The following NKAIN2 variants were observed in gnomAD, a reference collection of about 807,000 sequenced individuals.
The protein encoded by NKAIN2 is sodium/potassium-transporting ATPase subunit beta-1-interacting protein 2.
Under a neutral mutation model 32.6 loss-of-function variants are expected in NKAIN2, and 14 were observed. The observed-to-expected ratio is 0.43, with a 90% confidence interval of 0.28 to 0.67. The LOEUF is 0.67. Ranked by LOEUF, NKAIN2 falls within the 30% of genes least tolerant of loss-of-function variation. The pLI is 0.17. For synonymous variants in NKAIN2, 80 were observed against 87.2 expected, an observed-to-expected ratio of 0.92 and a Z score of 0.46; for missense variants, 198 against 258.3, an observed-to-expected ratio of 0.77 and a Z score of 1.60.
At chr6:124,761,389 T>C (rs1230722635) in intron 4 of NKAIN2, among the ~76,000 whole-genome samples, 3 of 152,262 alleles carry the variant, frequency 2.0e-5, no homozygotes, top group African/African-American at 7.2e-5. Context: ...CGTTTCCTTT[T>C]AACTTCTTAT....
At chr6:124,606,684 A>G (rs1012558896) in intron 3 of NKAIN2, among the ~76,000 whole-genome samples, 1 of 152,158 alleles carries the variant, frequency 6.6e-6, no homozygotes, top group Admixed American at 6.6e-5. Context: ...TTTATTGATG[A>G]AATCACTGCA....
At position 124,677,211 on chromosome 6, in the gene NKAIN2, CACCT is replaced by C. The variant is rs1436410341; in HGVS notation, c.474+18826_474+18829del. On this transcript the variant is annotated intron_variant, in intron 4 of 6. Coordinates refer to ENST00000368417, the MANE Select transcript of NKAIN2 (RefSeq NM_001040214.3). ...CTCGAACTCCTGACCTGAAGTGATC[CACCT>C]GCCTTGGCCCTCCAAAGTGCTGGGA... 1.9e-3 allele frequency among the ~76,000 whole-genome samples: 284 copies of C among 152,296 alleles called. 2 individuals carry two copies. The highest frequency in any genetic ancestry group is 4.3e-4 in the Non-Finnish European group (29 of 68,006).
intron 1 of NKAIN2, among the ~76,000 whole-genome samples, chr6:124,016,219 A>G (rs2114747543): frequency 6.6e-6 from 1 of 152,328 alleles, no homozygotes; most frequent in Non-Finnish European, 1.5e-5. Context: ...TGAAAGGGCA[A>G]GGAACCACAG....
chr6:124,086,760 G>A (rs1454024439), intron 1 of NKAIN2, among the ~76,000 whole-genome samples: 2 of 151,776 alleles, frequency 1.3e-5, no homozygotes, highest in Non-Finnish European at 2.9e-5. Context: ...AATAGACAAT[G>A]AAAAATAGTC....
intron 1 of NKAIN2, among the ~76,000 whole-genome samples, chr6:124,168,502 T>G (rs2114488200): frequency 6.6e-6 from 1 of 152,212 alleles, no homozygotes; most frequent in Middle Eastern, 3.4e-3. Flanking sequence ...ATTTTTTCTT[T>G]TGTGAAAAAT....
In NKAIN2 at chr6:124,773,451, C is replaced by A. The variant is rs534510495; in HGVS notation, c.475-17888C>A. Among the ~76,000 whole-genome samples the A allele has an allele frequency of 7.9e-5, 12 of 152,182 alleles. No individual in the cohort carries two copies. The East Asian group carries it at 1.9e-3, about 25-fold the overall frequency. On this transcript the variant is annotated intron_variant, in intron 4 of 6. Coordinates refer to ENST00000368417, the MANE Select transcript of NKAIN2 (RefSeq NM_001040214.3). ...AAAAGAAACAGAAGGACACAGCATT[C>A]GGACCAGAATGAAAGATCAGCTATG...
intron 3 of NKAIN2, among the ~76,000 whole-genome samples, chr6:124,387,834 T>C (rs183392713): frequency 1.5e-4 from 23 of 152,224 alleles, no homozygotes; most frequent in African/African-American, 5.3e-4. Context: ...TGAGACCTAA[T>C]TGGTAGTCAA....
intron 2 of NKAIN2, among the ~76,000 whole-genome samples, chr6:124,290,386 T>C (rs977274625): frequency 2.4e-4 from 29 of 123,092 alleles, no homozygotes; most frequent in African/African-American, 4.0e-4. Context: ...AATAAAAAAA[T>C]CAGATTATGT....
At chr6:124,155,971 A>C (rs1787967384) in intron 1 of NKAIN2, among the ~76,000 whole-genome samples, 1 of 152,032 alleles carries the variant, frequency 6.6e-6, no homozygotes, top group Non-Finnish European at 1.5e-5. Context: ...TGGAAAAAAA[A>C]AAAAAAAGGG....
intron 1 of NKAIN2, among the ~76,000 whole-genome samples, chr6:123,908,584 A>T (rs1775007736): frequency 6.6e-6 from 1 of 152,192 alleles, no homozygotes; most frequent in Non-Finnish European, 1.5e-5. Flanking sequence ...ATGACCATGA[A>T]CTTCTAAAAT....
chr6:123,843,363 G>C (rs1483058577), intron 1 of NKAIN2, among the ~76,000 whole-genome samples: 1 of 152,130 alleles, frequency 6.6e-6, no homozygotes, highest in Non-Finnish European at 1.5e-5. Context: ...TCTTCCCCTG[G>C]AGTTTGGCTG....
intron 1 of NKAIN2, among the ~76,000 whole-genome samples, chr6:124,091,111 A>G (rs1203138800): frequency 6.6e-6 from 1 of 152,008 alleles, no homozygotes; most frequent in Non-Finnish European, 1.5e-5. Context: ...AACTCAAAGT[A>G]AAAAGGCTAA....
At chr6:123,844,004 T>G (rs1392382078) in intron 1 of NKAIN2, among the ~76,000 whole-genome samples, 2 of 152,182 alleles carry the variant, frequency 1.3e-5, no homozygotes, top group East Asian at 3.9e-4. Context: ...AAATGACAGA[T>G]AAGTTCCGCT....
chr6:124,137,532 C>T (rs1786878547), intron 1 of NKAIN2, among the ~76,000 whole-genome samples: 1 of 151,900 alleles, frequency 6.6e-6, no homozygotes, highest in Non-Finnish European at 1.5e-5. Context: ...CATATGGCAC[C>T]AAAACAGAGC....
At chr6:124,294,577 T>C (rs1295756774) in intron 2 of NKAIN2, among the ~76,000 whole-genome samples, 2 of 152,192 alleles carry the variant, frequency 1.3e-5, no homozygotes, top group Non-Finnish European at 2.9e-5. Flanking sequence ...TTTTGTATAA[T>C]ATTCTTTATA....
intron 1 of NKAIN2, among the ~76,000 whole-genome samples, chr6:123,847,147 G>A (rs940995169): frequency 2.0e-4 from 30 of 152,152 alleles, no homozygotes; most frequent in African/African-American, 7.0e-4. Flanking sequence ...TAGTGAACAC[G>A]TGTATATTTT....
At chr6:124,733,375 A>T (rs577411236) in intron 4 of NKAIN2, among the ~76,000 whole-genome samples, 20 of 152,022 alleles carry the variant, frequency 1.3e-4, no homozygotes, top group Non-Finnish European at 1.6e-4. Context: ...GTGACAAGAG[A>T]GTCTAACTGT....
At chr6:124,349,978 T>G (rs985540287) in intron 2 of NKAIN2, among the ~76,000 whole-genome samples, 3 of 152,182 alleles carry the variant, frequency 2.0e-5, no homozygotes, top group African/African-American at 7.2e-5. Context: ...TACAATAGAA[T>G]TTTTCTCTCA....
intron 1 of NKAIN2, among the ~76,000 whole-genome samples, chr6:124,250,045 G>T (rs546908840): frequency 6.6e-6 from 1 of 152,180 alleles, no homozygotes; most frequent in East Asian, 1.9e-4. Context: ...CCTTTGGAAG[G>T]TGATTAGGTC....
Sources: gnomAD v4.1 joint callset for allele counts (sites outside exome capture counted in the v4.1 genomes callset) on GRCh38, gnomAD v4.1.1 for gene constraint, MANE v1.5 for transcripts, NCBI Gene and HGNC (gene_info 2026-07-23, HGNC 2026-07-21) for gene names.